Variants in SEMA3A observed in about 807,000 individuals in gnomAD.
SEMA3A encodes semaphorin 3A.
In SEMA3A, 29 loss-of-function variants were observed where a neutral mutation model predicts 97.9. The ratio of observed to expected loss-of-function variants is 0.30; its 90% CI spans 0.22 to 0.40. The LOEUF is 0.40. SEMA3A is among the 10% of genes least tolerant of loss of function. The pLI is 1.00. For synonymous variants in SEMA3A, 321 were observed against 323.7 expected (o/e 0.99, Z 0.09); for missense variants, 763 against 951.3 (o/e 0.80, Z 2.60).
At chr7:84,023,708 A>G (rs578029319) in intron 6 of SEMA3A, among the ~76,000 whole-genome samples, 13 of 152,264 alleles carry the variant, frequency 8.5e-5, no homozygotes, top group African/African-American at 2.9e-4. Context: ...AGGAAAAAAC[A>G]AGGCTTTAAA....
At chr7:84,465,479 AT>A (rs1205748755) in intron 1 of SEMA3A, among the ~76,000 whole-genome samples, 3 of 152,104 alleles carry the variant, frequency 2.0e-5, no homozygotes, top group African/African-American at 7.2e-5. Context: ...ATTTATTCAT[AT>A]GTGTTCTTCT....
chr7:84,106,157 AGT>A (rs1795103593), intron 4 of SEMA3A, among the ~76,000 whole-genome samples: 1 of 152,222 alleles, frequency 6.6e-6, no homozygotes, highest in Admixed American at 6.5e-5. Context: ...GTGTAAATAC[AGT>A]CAGGTGACAC....
At chr7:84,125,892 A>C (rs531792415) in intron 3 of SEMA3A, among the ~76,000 whole-genome samples, 1 of 152,334 alleles carries the variant, frequency 6.6e-6, no homozygotes, top group South Asian at 2.1e-4. Flanking sequence ...AAATCAAATA[A>C]AGCTTCAGTT....
chr7:84,247,006 C>T (rs1356237941), intron 3 of SEMA3A, among the ~76,000 whole-genome samples: 3 of 151,806 alleles, frequency 2.0e-5, no homozygotes, highest in Admixed American at 1.3e-4. Flanking sequence ...GTCATTAATG[C>T]CATCAAAAAT....
chr7:84,389,194 G>C (rs938493153), intron 1 of SEMA3A, among the ~76,000 whole-genome samples: 1 of 151,956 alleles, frequency 6.6e-6, no homozygotes, highest in Admixed American at 6.6e-5. Context: ...TTCTGGATTA[G>C]ATAAAAATGG....
At chr7:84,320,937 G>A (rs750492013) in intron 2 of SEMA3A, among the ~76,000 whole-genome samples, 8 of 152,102 alleles carry the variant, frequency 5.3e-5, no homozygotes, top group Non-Finnish European at 8.8e-5. Context: ...AGAAATGTTT[G>A]ACTCACTGGT....
chr7:84,028,692 C>T (rs2116458376), intron 6 of SEMA3A, among the ~76,000 whole-genome samples: 1 of 152,304 alleles, frequency 6.6e-6, no homozygotes, highest in Middle Eastern at 3.4e-3. Flanking sequence ...GAAACCTCTG[C>T]CACCTGGGTT....
chr7:83,992,853 G>A (rs10247936), intron 12 of SEMA3A, among the ~76,000 whole-genome samples: 1 of 152,044 alleles, frequency 6.6e-6, no homozygotes, highest in African/African-American at 2.4e-5. Context: ...GCAGAGCTGA[G>A]TTCAATTCCT....
At chr7:84,016,547 A>G (rs915616621) in intron 6 of SEMA3A, among the ~76,000 whole-genome samples, 2 of 151,838 alleles carry the variant, frequency 1.3e-5, no homozygotes, top group African/African-American at 4.8e-5. Context: ...CAAAAAAAAA[A>G]AAAAGAAAAA....
In SEMA3A at chr7:84,429,516, T is replaced by TTTTATATATATATATATA. The variant is rs1554385260; in HGVS notation, c.-245-57617_-245-57616insTATATATATATATATAAA. 7.0e-3 allele frequency among the ~76,000 whole-genome samples: 507 copies of TTTTATATATATATATATA among 72,326 alleles called. 22 individuals are homozygous for TTTTATATATATATATATA. Among genetic ancestry groups the TTTTATATATATATATATA allele is most frequent in the African/African-American group, 7.8e-3 (110 of 14,118 alleles). 47.4% of individuals were successfully genotyped at this position (72,326 alleles called of 152,430 possible). On this transcript the variant is annotated intron_variant, in intron 1 of 3. Transcript: ENST00000424555. ...TTGCATTAGTAAAATATAGAGTTTG[T>TTTTATATATATATATATA]TATATATATATATATATATATATAT...
intron 3 of SEMA3A, among the ~76,000 whole-genome samples, chr7:84,257,189 G>A (rs543454378): frequency 6.6e-6 from 1 of 151,982 alleles, no homozygotes; most frequent in African/African-American, 2.4e-5. Flanking sequence ...AATCACACAA[G>A]ATTTTTTTTA....
At chr7:84,385,843 A>G (rs1394873786) in intron 1 of SEMA3A, among the ~76,000 whole-genome samples, 2 of 152,224 alleles carry the variant, frequency 1.3e-5, no homozygotes, top group Middle Eastern at 3.2e-3. Flanking sequence ...TCCAACACTG[A>G]AAAGCTCTGC....
intron 3 of SEMA3A, among the ~76,000 whole-genome samples, chr7:84,250,468 G>A (rs1266110154): frequency 1.3e-5 from 2 of 152,090 alleles, no homozygotes; most frequent in African/African-American, 4.8e-5. Context: ...TTAGCAGGGG[G>A]AGCTGAGCAG....
rs1788316517 is a variant in SEMA3A, at chr7:83,957,512, A to G, written c.*3859T>C. ...TTTGCCTCTGCCTGTGTGTGCCTGC[A>G]TGTTTGAAATGATAACAAAGCTGTT... On this transcript the variant is annotated 3_prime_UTR_variant, in exon 17 of 17. Coordinates refer to ENST00000265362, the MANE Select transcript of SEMA3A (RefSeq NM_006080.3). 6.6e-6 allele frequency: 1 copy of G among 152,028 alleles called. No homozygotes were observed. Among genetic ancestry groups the G allele is most frequent in the Admixed American group, 6.6e-5 (1 of 15,234 alleles). The allele number at this position is 152,028 out of a possible 1,614,324, so 9.4% of individuals were successfully genotyped here.
chr7:83,988,550 G>A (rs1789738147), intron 12 of SEMA3A, among the ~76,000 whole-genome samples: 1 of 152,032 alleles, frequency 6.6e-6, no homozygotes, highest in South Asian at 2.1e-4. Flanking sequence ...AAACCCTGAT[G>A]GCTGAGCTGA....
At chr7:84,244,943 T>C (rs1799446588) in intron 3 of SEMA3A, among the ~76,000 whole-genome samples, 1 of 152,214 alleles carries the variant, frequency 6.6e-6, no homozygotes, top group African/African-American at 2.4e-5. Flanking sequence ...CTAGGGTTTC[T>C]GCAGAGAGAT....
chr7:84,389,399 A>G (rs1291704997), intron 1 of SEMA3A, among the ~76,000 whole-genome samples: 1 of 152,046 alleles, frequency 6.6e-6, no homozygotes, highest in Non-Finnish European at 1.5e-5. Flanking sequence ...GCACCCTGAG[A>G]GTGCATTTGG....
chr7:84,419,113 G>A (rs546515374), intron 1 of SEMA3A, among the ~76,000 whole-genome samples: 1 of 152,020 alleles, frequency 6.6e-6, no homozygotes, highest in South Asian at 2.1e-4. Context: ...GAGATTAGTT[G>A]GTCAGTTAAG....
At chr7:84,044,937 C>T (rs1056114565) in intron 6 of SEMA3A, among the ~76,000 whole-genome samples, 1 of 151,960 alleles carries the variant, frequency 6.6e-6, no homozygotes, top group Non-Finnish European at 1.5e-5. Flanking sequence ...AGGGAGCATG[C>T]CTTTGTCACT....
Sources: allele counts gnomAD v4.1 joint callset (sites outside exome capture counted in the v4.1 genomes callset), GRCh38; gene constraint gnomAD v4.1.1; transcripts MANE v1.5; gene names NCBI Gene and HGNC (gene_info 2026-07-23, HGNC 2026-07-21).